Variants in ELMO1 observed in about 807,000 individuals in gnomAD.
ELMO1 encodes engulfment and cell motility 1, also known as engulfment and cell motility protein 1.
In ELMO1, 26 loss-of-function variants were observed where a neutral mutation model predicts 98.9. The ratio of observed to expected loss-of-function variants is 0.26; its 90% CI spans 0.19 to 0.36. The LOEUF is 0.36. Ranked by LOEUF, ELMO1 falls within the 10% of genes least tolerant of loss-of-function variation. ELMO1 has a pLI of 1.00. For synonymous variants in ELMO1, 346 were observed against 346.0 expected, an observed-to-expected ratio of 1.00 and a Z score of 0.00; for missense variants, 627 against 935.2, an observed-to-expected ratio of 0.67 and a Z score of 4.30.
chr7:37,416,036 A>C (rs1804199478), intron 1 of ELMO1, among the ~76,000 whole-genome samples: 1 of 152,244 alleles, frequency 6.6e-6, no homozygotes, highest in South Asian at 2.1e-4. Flanking sequence ...AGTAACATTA[A>C]ATGAGCATAC....
chr7:37,072,416 T>C (rs956122269), intron 15 of ELMO1, among the ~76,000 whole-genome samples: 3 of 151,748 alleles, frequency 2.0e-5, no homozygotes, highest in African/African-American at 4.9e-5. Flanking sequence ...CCACGTACGA[T>C]GTGACTGCCA....
intron 1 of ELMO1, among the ~76,000 whole-genome samples, chr7:37,383,916 T>C (rs2701012): frequency 0.27 from 41,595 of 152,044 alleles, 6,635 homozygotes; most frequent in Admixed American, 0.35. Context: ...CCCCGGTTCA[T>C]GCCATTCTCC....
At chr7:37,145,830 A>G (rs10257460) in intron 13 of ELMO1, among the ~76,000 whole-genome samples, 111,570 of 152,104 alleles carry the variant, frequency 0.73, 42,874 homozygotes, top group South Asian at 0.86. Flanking sequence ...TATTCACTTA[A>G]TCTATGAAAA....
chr7:37,231,292 C>A (rs558359249), intron 8 of ELMO1, among the ~76,000 whole-genome samples: 1 of 150,032 alleles, frequency 6.7e-6, no homozygotes, highest in African/African-American at 2.5e-5. Context: ...TCATGTCCTT[C>A]GATTCAAGGC....
chr7:37,448,199 GAGCCGC>G lies in ELMO1; in HGVS notation c.-74+470_-74+475del, dbSNP rs370181059. Among the ~76,000 whole-genome samples the G allele has an allele frequency of 6.2e-3, 939 of 151,730 alleles. 10 individuals are homozygous for G. The highest frequency in any genetic ancestry group is 0.021 in the African/African-American group (880 of 41,326). On this transcript the variant is annotated intron_variant, in intron 1 of 21. Transcript: ENST00000310758. ...GAGTGCAGGAGAAGACGCCGAGTCTGAGCCGCAGCCGCTTCTCTAGCTCTATAGGAA... is the reference window on the plus strand; with the variant it reads ...GAGTGCAGGAGAAGACGCCGAGTCTGAGCCGCTTCTCTAGCTCTATAGGAA...
chr7:37,101,078 C>T (rs571527578), intron 14 of ELMO1, among the ~76,000 whole-genome samples: 5 of 152,358 alleles, frequency 3.3e-5, no homozygotes, highest in African/African-American at 1.2e-4. Flanking sequence ...TCACACAACA[C>T]TTTTACCAGC....
intron 1 of ELMO1, among the ~76,000 whole-genome samples, chr7:37,364,521 A>G (rs1370140295): frequency 6.6e-6 from 1 of 152,158 alleles, no homozygotes; most frequent in Non-Finnish European, 1.5e-5. Flanking sequence ...AAAACCTTTA[A>G]CACATAGGAA....
At chr7:36,876,075 G>C (rs570901151) in intron 19 of ELMO1, among the ~76,000 whole-genome samples, 194 of 152,166 alleles carry the variant, frequency 1.3e-3, no homozygotes, top group Non-Finnish European at 2.0e-3. Flanking sequence ...ACCTCCTAGG[G>C]AGCTGCTATT....
At chr7:37,000,088 C>T (rs1021103288) in intron 16 of ELMO1, among the ~76,000 whole-genome samples, 1 of 152,160 alleles carries the variant, frequency 6.6e-6, no homozygotes, top group Non-Finnish European at 1.5e-5. Context: ...GCCAAAACCA[C>T]AATAAAACAA....
At chr7:37,193,002 TATATATACAC>T (rs1396524463) in intron 13 of ELMO1, among the ~76,000 whole-genome samples, 9 of 86,820 alleles carry the variant, frequency 1.0e-4, no homozygotes, top group Admixed American at 7.7e-4. Flanking sequence ...TATATATATA[TATATATACAC>T]ACACACACAT....
intron 1 of ELMO1, among the ~76,000 whole-genome samples, chr7:37,428,031 GT>G (rs1282856661): frequency 0.039 from 26 of 668 alleles, no homozygotes; most frequent in East Asian, 0.5. Flanking sequence ...TATGCTTGGG[GT>G]GTGTGTGTGT....
chr7:36,897,333 T>TGC (rs1806104734), intron 16 of ELMO1, among the ~76,000 whole-genome samples: 1 of 134,816 alleles, frequency 7.4e-6, no homozygotes, highest in African/African-American at 2.9e-5. Context: ...GACGTGTGTG[T>TGC]GTGTGTGTGT....
At chr7:37,092,457 C>T (rs1303427486) in intron 15 of ELMO1, among the ~76,000 whole-genome samples, 1 of 144,504 alleles carries the variant, frequency 6.9e-6, no homozygotes, top group Non-Finnish European at 1.5e-5. Flanking sequence ...CAGCTCACTG[C>T]AAGCTCCGCC....
chr7:37,104,848 T>C (rs1224919343), intron 14 of ELMO1, among the ~76,000 whole-genome samples: 6 of 148,490 alleles, frequency 4.0e-5, no homozygotes, highest in African/African-American at 1.5e-4. Context: ...GTCAGACTGG[T>C]GGAAAAAAAA....
chr7:36,979,336 G>A (rs1044401906), intron 16 of ELMO1, among the ~76,000 whole-genome samples: 8 of 152,192 alleles, frequency 5.3e-5, no homozygotes, highest in Admixed American at 5.2e-4. Flanking sequence ...TTTGTTAACA[G>A]CCTCATGGGA....
At chr7:37,162,672 A>G (rs1695494111) in intron 13 of ELMO1, among the ~76,000 whole-genome samples, 1 of 152,204 alleles carries the variant, frequency 6.6e-6, no homozygotes, top group Admixed American at 6.5e-5. Context: ...CAGAATAAAT[A>G]TATGTCAAGA....
intron 16 of ELMO1, among the ~76,000 whole-genome samples, chr7:36,956,141 G>A (rs889658020): frequency 3.3e-5 from 5 of 152,166 alleles, no homozygotes; most frequent in African/African-American, 1.2e-4. Context: ...GTGTCCTGAA[G>A]GCTACATATA....
intron 1 of ELMO1, among the ~76,000 whole-genome samples, chr7:37,343,875 T>C (rs1012448064): frequency 6.6e-6 from 1 of 152,132 alleles, no homozygotes; most frequent in African/African-American, 2.4e-5. Flanking sequence ...GTAGAGTCTC[T>C]TCTCCCAGTG....
intron 1 of ELMO1, among the ~76,000 whole-genome samples, chr7:37,381,517 T>G (rs1396238367): frequency 6.6e-6 from 1 of 152,200 alleles, no homozygotes; most frequent in Non-Finnish European, 1.5e-5. Context: ...GGCTACTACC[T>G]CTTAAGTGAC....
Sources: gnomAD v4.1 joint callset for allele counts (sites outside exome capture counted in the v4.1 genomes callset) on GRCh38, gnomAD v4.1.1 for gene constraint, MANE v1.5 for transcripts, NCBI Gene and HGNC (gene_info 2026-07-23, HGNC 2026-07-21) for gene names.